The following PLXDC2 variants were observed in gnomAD, a reference collection of about 807,000 sequenced individuals.
The protein encoded by PLXDC2 is plexin domain containing 2.
Under a neutral mutation model 68.9 loss-of-function variants are expected in PLXDC2, and 40 were observed. The observed-to-expected ratio is 0.58, with a 90% confidence interval of 0.45 to 0.76. PLXDC2 has a LOEUF of 0.76. Among genes scored for constraint, PLXDC2 ranks in the 30% least tolerant of loss-of-function variants. The pLI is 0.00. For synonymous variants in PLXDC2, 243 were observed against 234.2 expected (o/e 1.04, Z -0.34); for missense variants, 644 against 661.9 (o/e 0.97, Z 0.30).
intron 3 of PLXDC2, among the ~76,000 whole-genome samples, chr10:20,064,365 C>T (rs149433791): frequency 0.014 from 2,060 of 151,888 alleles, 47 homozygotes; most frequent in African/African-American, 0.046. Flanking sequence ...GGACTACAGG[C>T]GCCCACCACC....
At chr10:19,962,373 A>C (rs375943382) in intron 1 of PLXDC2, among the ~76,000 whole-genome samples, 17 of 67,958 alleles carry the variant, frequency 2.5e-4, no homozygotes, top group Non-Finnish European at 3.7e-4. Flanking sequence ...AGTCTCATGC[A>C]CCCATCTTTA....
intron 7 of PLXDC2, among the ~76,000 whole-genome samples, chr10:20,175,342 C>T (rs965190816): frequency 3.3e-5 from 5 of 152,140 alleles, no homozygotes; most frequent in African/African-American, 1.2e-4. Context: ...ACAGATTCCT[C>T]ACAGCAAAAC....
chr10:19,944,061 G>A (rs761839182), intron 1 of PLXDC2, among the ~76,000 whole-genome samples: 3 of 152,102 alleles, frequency 2.0e-5, no homozygotes, highest in Admixed American at 6.6e-5. Flanking sequence ...ATTTCATAAC[G>A]ATTTGAAGAA....
intron 1 of PLXDC2, among the ~76,000 whole-genome samples, chr10:19,933,695 C>T (rs1244093240): frequency 6.6e-6 from 1 of 151,808 alleles, no homozygotes; most frequent in Non-Finnish European, 1.5e-5. Context: ...CACACACACA[C>T]ACACAAAGGT....
rs1564338868 is a variant in PLXDC2, at chr10:20,164,528, G to A, written c.844G>A (p.Asp282Asn). 5.6e-6 allele frequency: 9 copies of A among 1,613,508 alleles called. No individual in the cohort carries two copies. Among genetic ancestry groups the A allele is most frequent in the East Asian group, 2.2e-5 (1 of 44,766 alleles). ...TCATCCAGTGAAAGTCGGACTGTCC[G>A]ATGCATTTGTCGTTGTCCACAGGAT... ...TNHPVKVGLS[D>N]AFVVVHRIQQ... The change falls in exon 7 of 14, where the codon GAT becomes AAT. Residue 282 changes from aspartate (D) to asparagine (N), a missense_variant. Physicochemically the swap from Asp to Asn is conservative, Grantham distance 23. Coordinates refer to ENST00000377252, the MANE Select transcript of PLXDC2 (RefSeq NM_032812.9).
At chr10:19,973,040 A>G (rs1834379986) in intron 1 of PLXDC2, among the ~76,000 whole-genome samples, 1 of 152,102 alleles carries the variant, frequency 6.6e-6, no homozygotes, top group Non-Finnish European at 1.5e-5. Context: ...TTCAATCCAC[A>G]GATTAAAATT....
At chr10:20,032,632 A>T (rs772877707) in intron 2 of PLXDC2, among the ~76,000 whole-genome samples, 1 of 152,042 alleles carries the variant, frequency 6.6e-6, no homozygotes, top group Non-Finnish European at 1.5e-5. Context: ...AAAAATTTTG[A>T]TAACTACAAG....
chr10:20,163,025 C>G (rs755654631), intron 6 of PLXDC2, among the ~76,000 whole-genome samples: 1 of 151,518 alleles, frequency 6.6e-6, no homozygotes, highest in Non-Finnish European at 1.5e-5. Flanking sequence ...AGGTTGCACT[C>G]CAGCCTGGGA....
intron 4 of PLXDC2, among the ~76,000 whole-genome samples, chr10:20,134,538 C>G (rs1833908760): frequency 6.6e-6 from 1 of 152,100 alleles, no homozygotes; most frequent in African/African-American, 2.4e-5. Context: ...TCTGCAGATG[C>G]AGGCCTGGAG....
intron 1 of PLXDC2, among the ~76,000 whole-genome samples, chr10:19,982,610 A>G (rs1834570102): frequency 6.6e-6 from 1 of 152,156 alleles, no homozygotes; most frequent in Admixed American, 6.5e-5. Context: ...AAAATAGAAA[A>G]CATGCTCACT....
chr10:20,196,810 T>A, intron 9 of PLXDC2, among the ~76,000 whole-genome samples: 1 of 152,198 alleles, frequency 6.6e-6, no homozygotes, highest in Admixed American at 6.6e-5. Flanking sequence ...CAAACAGTGT[T>A]AGTAACTTGC....
rs147025754 is a variant in PLXDC2, at chr10:20,096,858, A to G, written c.541+28619A>G. On this transcript the variant is annotated intron_variant, in intron 4 of 13. Coordinates refer to ENST00000377252, the MANE Select transcript of PLXDC2 (RefSeq NM_032812.9). ...TGTTAATTGGTGCTATGAAATTATT[A>G]TAAGTATTGAGCAAACAACCTACTC... is the stretch of plus-strand genomic sequence containing the variant. Among the ~76,000 whole-genome samples, 380 of 152,248 alleles carry G rather than the reference A, an allele frequency of 2.5e-3. 2 individuals are homozygous for G. Among genetic ancestry groups the G allele is most frequent in the Middle Eastern group, 0.01 (3 of 294 alleles).
rs1232746493 is a variant in PLXDC2 at position 20,129,309 on chromosome 10, A to G, written c.542-13986A>G. Among the ~76,000 whole-genome samples the G allele has an allele frequency of 2.0e-5, 3 of 152,170 alleles. No homozygotes were observed. In the East Asian group the frequency reaches 5.8e-4, roughly 29 times the overall value. On this transcript the variant is annotated intron_variant, in intron 4 of 13. Coordinates refer to ENST00000377252, the MANE Select transcript of PLXDC2 (RefSeq NM_032812.9). Reference sequence around the variant, plus strand: ...AAATGTCGGTTCAAGTCATTTGTCCATTGTTTAATTGGGTTGCTTTCTTGC... The same window carrying G: ...AAATGTCGGTTCAAGTCATTTGTCCGTTGTTTAATTGGGTTGCTTTCTTGC...
chr10:19,964,174 A>T (rs909192424), intron 1 of PLXDC2, among the ~76,000 whole-genome samples: 1 of 152,160 alleles, frequency 6.6e-6, no homozygotes, highest in Non-Finnish European at 1.5e-5. Flanking sequence ...ATGGCTGAAG[A>T]CTGAAGTCAA....
At chr10:20,044,122 T>TCCTTCCTCCCTCCCTTCCTTCCTTCCTC (rs71388894) in intron 2 of PLXDC2, among the ~76,000 whole-genome samples, 1 of 99,734 alleles carries the variant, frequency 1.0e-5, no homozygotes, top group African/African-American at 4.1e-5. Flanking sequence ...CTTCCTTCCT[T>TCCTTCCTCCCTCCCTTCCTTCCTTCCTC]CCTCCCTCCC....
chr10:20,278,362 G>A (rs74119598), intron 13 of PLXDC2, among the ~76,000 whole-genome samples: 9,740 of 152,112 alleles, frequency 0.064, 418 homozygotes, highest in East Asian at 0.19. Context: ...CTACAAACAG[G>A]CATAACCATG....
At chr10:19,993,169 G>C (rs1834778751) in intron 1 of PLXDC2, among the ~76,000 whole-genome samples, 1 of 151,976 alleles carries the variant, frequency 6.6e-6, no homozygotes. Flanking sequence ...AAACAACTTT[G>C]TTTTATAATC....
intron 2 of PLXDC2, among the ~76,000 whole-genome samples, chr10:20,041,359 T>A (rs949739191): frequency 6.6e-6 from 1 of 152,164 alleles, no homozygotes; most frequent in Non-Finnish European, 1.5e-5. Flanking sequence ...ACATTGTTAT[T>A]ATCAGATATT....
In PLXDC2 at chr10:19,980,616, C is replaced by G. The variant is rs142873356; in HGVS notation, c.113-21159C>G. On this transcript the variant is annotated intron_variant, in intron 1 of 13. Transcript: ENST00000377252. The stretch of plus-strand genomic sequence containing the variant: ...GGAAATGATACAGCAAGAACATAGT[C>G]AAGTCATCTATGTGTATACACACAT... 2.2e-4 allele frequency among the ~76,000 whole-genome samples: 33 copies of G among 152,258 alleles called. No homozygotes were observed. In the East Asian group the frequency reaches 5.6e-3, roughly 26 times the overall value.
Sources: allele counts gnomAD v4.1 joint callset (sites outside exome capture counted in the v4.1 genomes callset), GRCh38; gene constraint gnomAD v4.1.1; transcripts MANE v1.5; gene names NCBI Gene and HGNC (gene_info 2026-07-23, HGNC 2026-07-21).